The following CRACD variants were observed in gnomAD, a reference collection of about 807,000 sequenced individuals.
CRACD encodes the protein capping protein inhibiting regulator of actin dynamics, also known as capping protein-inhibiting regulator of actin dynamics.
A neutral mutation model predicts 106.8 loss-of-function variants in CRACD; 56 were observed. The ratio of observed to expected loss-of-function variants is 0.52; its 90% CI spans 0.42 to 0.66. The LOEUF is 0.66. Among genes scored for constraint, CRACD ranks in the 30% least tolerant of loss-of-function variants. The pLI is 0.00. For missense variants in CRACD, 1,730 were observed against 1,623.2 expected, an observed-to-expected ratio of 1.07 and a Z score of -1.13; for synonymous variants, 754 against 670.8, an observed-to-expected ratio of 1.12 and a Z score of -1.92.
At chr4:56,163,646 AT>A (rs1736036764) in intron 1 of CRACD, among the ~76,000 whole-genome samples, 1 of 152,204 alleles carries the variant, frequency 6.6e-6, no homozygotes, top group Non-Finnish European at 1.5e-5. Context: ...GAGAAAAAAT[AT>A]CTGTATAATT....
intron 2 of CRACD, among the ~76,000 whole-genome samples, chr4:56,191,789 A>G (rs980606358): frequency 4.6e-5 from 7 of 152,230 alleles, no homozygotes; most frequent in Non-Finnish European, 8.8e-5. Context: ...AAACAAAACA[A>G]ATTAACATCT....
At chr4:56,269,016 C>T (rs1284122818) in intron 2 of CRACD, among the ~76,000 whole-genome samples, 3 of 152,156 alleles carry the variant, frequency 2.0e-5, no homozygotes, top group Non-Finnish European at 4.4e-5. Flanking sequence ...AATGATATCT[C>T]AATTGTATTA....
chr4:56,194,799 C>A (rs1737531776), intron 2 of CRACD, among the ~76,000 whole-genome samples: 1 of 152,146 alleles, frequency 6.6e-6, no homozygotes, highest in Non-Finnish European at 1.5e-5. Flanking sequence ...CAATTTATGG[C>A]ATTTTGTTAT....
intron 3 of CRACD, among the ~76,000 whole-genome samples, chr4:56,284,550 C>G (rs1577855946): frequency 6.6e-6 from 1 of 151,946 alleles, no homozygotes; most frequent in Non-Finnish European, 1.5e-5. Context: ...CATGGTGAAA[C>G]CCCATCTCTA....
chr4:56,056,250 A>T (rs1732056087), intron 1 of CRACD, among the ~76,000 whole-genome samples: 2 of 152,332 alleles, frequency 1.3e-5, no homozygotes, highest in South Asian at 2.1e-4. Context: ...TAAAAAGTTT[A>T]AAAAAAGCAA....
intron 2 of CRACD, among the ~76,000 whole-genome samples, chr4:56,207,445 C>T (rs1036195070): frequency 1.3e-5 from 2 of 152,084 alleles, no homozygotes; most frequent in Non-Finnish European, 2.9e-5. Flanking sequence ...TCTCTTTAAC[C>T]TGTGATGTGG....
intron 2 of CRACD, among the ~76,000 whole-genome samples, chr4:56,210,187 T>A (rs1738327370): frequency 6.6e-6 from 1 of 152,232 alleles, no homozygotes; most frequent in African/African-American, 2.4e-5. Flanking sequence ...TATAAAATTA[T>A]GTTTAACAGA....
intron 2 of CRACD, among the ~76,000 whole-genome samples, chr4:56,247,696 A>C (rs573532670): frequency 3.3e-5 from 5 of 152,244 alleles, no homozygotes; most frequent in Non-Finnish European, 7.3e-5. Context: ...AAATACAAAA[A>C]TTAGCTAGGC....
In CRACD at chr4:56,323,359, T is replaced by C; in HGVS notation, c.3188-18T>C. ...AGTTAAGTTCATTGCAAACCGTTCTTTGTCTTATTCCCCACAGAGAAGCCG... is the reference window on the plus strand; with the variant it reads ...AGTTAAGTTCATTGCAAACCGTTCTCTGTCTTATTCCCCACAGAGAAGCCG... On this transcript the variant is annotated intron_variant, in intron 8 of 10. Coordinates refer to ENST00000682029, the MANE Select transcript of CRACD (RefSeq NM_001393381.1). The C allele has an allele frequency of 6.3e-7, 1 of 1,583,550 alleles. No homozygotes were observed. The highest frequency in any genetic ancestry group is 8.5e-7 in the Non-Finnish European group (1 of 1,172,132).
At chr4:56,143,047 T>A (rs1234122696) in intron 1 of CRACD, among the ~76,000 whole-genome samples, 1 of 151,950 alleles carries the variant, frequency 6.6e-6, no homozygotes, top group Non-Finnish European at 1.5e-5. Flanking sequence ...CTAGAAAAAA[T>A]TTTAGAACTA....
At chr4:56,270,150 G>A (rs964890672) in intron 2 of CRACD, among the ~76,000 whole-genome samples, 28 of 151,964 alleles carry the variant, frequency 1.8e-4, no homozygotes, top group Admixed American at 1.3e-3. Context: ...TTCTGTCTGC[G>A]TCCTCAGCAC....
At chr4:56,059,019 T>C (rs1025919980) in intron 1 of CRACD, among the ~76,000 whole-genome samples, 1 of 152,238 alleles carries the variant, frequency 6.6e-6, no homozygotes, top group Non-Finnish European at 1.5e-5. Flanking sequence ...TTTTTCTTTT[T>C]TTTTGTCTGT....
chr4:56,283,898 A>G (rs1197240431), intron 3 of CRACD, among the ~76,000 whole-genome samples: 4 of 152,200 alleles, frequency 2.6e-5, no homozygotes, highest in Admixed American at 2.6e-4. Flanking sequence ...GAAAGTGGGA[A>G]GCAAAGCCTG....
intron 2 of CRACD, among the ~76,000 whole-genome samples, chr4:56,198,020 GA>G (rs1235155187): frequency 6.6e-6 from 1 of 151,948 alleles, no homozygotes; most frequent in Non-Finnish European, 1.5e-5. Flanking sequence ...TATTTTTCTT[GA>G]TTCTGTGACT....
In CRACD at chr4:56,221,350, A is replaced by T. The variant is rs564460465; in HGVS notation, c.-189+41920A>T. 3.9e-5 allele frequency among the ~76,000 whole-genome samples: 6 copies of T among 152,342 alleles called. No individual in the cohort carries two copies. In the South Asian group the frequency reaches 1.2e-3, roughly 32 times the overall value. ...TAAGGGGAAAAAAGAATATAAGTTA[A>T]GATTTTCTTGTAAATGCATACAAAT... On this transcript the variant is annotated intron_variant, in intron 2 of 10. Transcript: ENST00000682029.
intron 1 of CRACD, among the ~76,000 whole-genome samples, chr4:56,106,654 TG>T (rs941161263): frequency 2.6e-5 from 4 of 152,228 alleles, no homozygotes; most frequent in African/African-American, 9.6e-5. Flanking sequence ...CCGGCTTATC[TG>T]AACACTGTGA....
At chr4:56,318,752 G>C (rs917930818) in intron 8 of CRACD, among the ~76,000 whole-genome samples, 1 of 152,170 alleles carries the variant, frequency 6.6e-6, no homozygotes, top group African/African-American at 2.4e-5. Flanking sequence ...TGTAGGCCAG[G>C]ACTGGCCAAA....
chr4:56,218,780 T>C (rs1490896404), intron 2 of CRACD, among the ~76,000 whole-genome samples: 2 of 152,002 alleles, frequency 1.3e-5, no homozygotes, highest in African/African-American at 4.8e-5. Context: ...GCCTAGAAAT[T>C]TTCTTCCTAT....
At chr4:56,099,611 C>G (rs1484434213) in intron 1 of CRACD, among the ~76,000 whole-genome samples, 1 of 152,168 alleles carries the variant, frequency 6.6e-6, no homozygotes, top group African/African-American at 2.4e-5. Context: ...CCATGACTTA[C>G]AGGCTCAAGA....
Sources: gnomAD v4.1 joint callset for allele counts (sites outside exome capture counted in the v4.1 genomes callset) on GRCh38, gnomAD v4.1.1 for gene constraint, MANE v1.5 for transcripts, NCBI Gene and HGNC (gene_info 2026-07-23, HGNC 2026-07-21) for gene names.